Variants in TTLL5 observed in about 807,000 individuals in gnomAD.
TTLL5 encodes the protein tubulin polyglutamylase TTLL5.
Under a neutral mutation model 168.4 loss-of-function variants are expected in TTLL5, and 132 were observed. The observed-to-expected ratio is 0.78, with a 90% CI of 0.68 to 0.91. The LOEUF is 0.91. Ranked by LOEUF, TTLL5 falls within the 40% of genes least tolerant of loss-of-function variation. The probability of loss-of-function intolerance (pLI) is 0.00; values close to 1 mark genes in which losing one functional copy is unlikely to be tolerated. For missense variants in TTLL5, 1,545 were observed against 1,581.5 expected (o/e 0.98, Z 0.39); for synonymous variants, 546 against 558.6 (o/e 0.98, Z 0.32).
chr14:75,700,360 G>A (rs921096540), intron 7 of TTLL5, among the ~76,000 whole-genome samples: 9 of 152,208 alleles, frequency 5.9e-5, no homozygotes, highest in Admixed American at 2.6e-4. Flanking sequence ...GGAGTTGGGC[G>A]AGTAGGCTCA....
intron 28 of TTLL5, chr14:75,838,570 A>T (rs1406209251): frequency 6.6e-6 from 1 of 152,352 alleles, no homozygotes; most frequent in African/African-American, 2.4e-5. Flanking sequence ...TCAAAAAAAA[A>T]AAAACAAAAA....
At chr14:75,904,719 T>A (rs1039527162) in intron 31 of TTLL5, among the ~76,000 whole-genome samples, 1 of 152,186 alleles carries the variant, frequency 6.6e-6, no homozygotes, top group Non-Finnish European at 1.5e-5. Flanking sequence ...AACAAGCAGA[T>A]CATTCTTCTT....
intron 31 of TTLL5, among the ~76,000 whole-genome samples, chr14:75,931,470 A>G (rs1003606322): frequency 6.6e-6 from 1 of 152,106 alleles, no homozygotes; most frequent in South Asian, 2.1e-4. Context: ...ATTCATATCC[A>G]CTGCCTTAAT....
intron 31 of TTLL5, among the ~76,000 whole-genome samples, chr14:75,931,354 A>C (rs146739287): frequency 9.0e-4 from 137 of 152,270 alleles, no homozygotes; most frequent in African/African-American, 3.2e-3. Context: ...AAAGCCAGAA[A>C]CTGAGAGGCA....
chr14:75,790,930 A>G (rs1443929626), intron 26 of TTLL5, among the ~76,000 whole-genome samples: 3 of 141,844 alleles, frequency 2.1e-5, no homozygotes, highest in African/African-American at 8.0e-5. Flanking sequence ...CCCCATCTCT[A>G]CTAAAAAAAA....
intron 18 of TTLL5, among the ~76,000 whole-genome samples, chr14:75,762,564 A>G (rs1318758049): frequency 6.6e-6 from 1 of 152,206 alleles, no homozygotes; most frequent in Non-Finnish European, 1.5e-5. Flanking sequence ...GTGATACAAG[A>G]CAAACATGGT....
In TTLL5 at chr14:75,681,581, AC is replaced by A. The variant is rs1884615156; in HGVS notation, c.219del (p.Asp73GlufsTer4). On this transcript the variant is annotated frameshift_variant, in exon 4 of 32. Transcript: ENST00000298832. LOFTEE classifies it high-confidence loss of function. ...YHLSYKIVRT[D>X]SRLVRSILTA... Reference sequence around the variant, plus strand: ...TTGTCTTATAAGATTGTACGAACGGACAGTCGCCTAGTACGCAGCATTCTGA... The same window carrying A: ...TTGTCTTATAAGATTGTACGAACGGAAGTCGCCTAGTACGCAGCATTCTGA... 1 of 1,613,410 alleles carries A rather than the reference AC, an allele frequency of 6.2e-7. No homozygotes were observed. The highest frequency in any genetic ancestry group is 8.5e-7 in the Non-Finnish European group (1 of 1,179,950).
chr14:75,884,565 AGAAGGG>A (rs2031996287), intron 30 of TTLL5, among the ~76,000 whole-genome samples: 1 of 152,248 alleles, frequency 6.6e-6, no homozygotes, highest in Non-Finnish European at 1.5e-5. Context: ...AAAAATGCAC[AGAAGGG>A]GGGAAAAAGC....
At chr14:75,898,450 T>C (rs1041568858) in intron 30 of TTLL5, among the ~76,000 whole-genome samples, 1 of 152,132 alleles carries the variant, frequency 6.6e-6, no homozygotes, top group Non-Finnish European at 1.5e-5. Context: ...GAGAGCAGCC[T>C]GGGTGACATG....
chr14:75,799,096 T>C (rs1192305591), intron 27 of TTLL5, among the ~76,000 whole-genome samples: 2 of 152,172 alleles, frequency 1.3e-5, no homozygotes, highest in Non-Finnish European at 2.9e-5. Context: ...TGTTGTTGTC[T>C]ATCTCATTTC....
At chr14:75,946,992 T>A (rs1284225670) in intron 31 of TTLL5, among the ~76,000 whole-genome samples, 1 of 151,250 alleles carries the variant, frequency 6.6e-6, no homozygotes, top group East Asian at 1.9e-4. Flanking sequence ...CAGAGGAGAG[T>A]GAGAACAGAT....
Position 75,707,633 on chromosome 14 carries a change from T to C in TTLL5, c.666T>C (p.Phe222=). The change falls in exon 9 of 32, where the codon TTT becomes TTC. Residue 222 remains phenylalanine, a synonymous_variant. Coordinates refer to ENST00000298832, the MANE Select transcript of TTLL5 (RefSeq NM_015072.5). ...ACTTTTTTTTTTTAGATTTCAAGTT[T>C]GACGTGCGCCTCTATGTGCTCGTGA... ...NNPLLIDDFK[F]DVRLYVLVTS... 6.2e-7 allele frequency: 1 copy of C among 1,611,560 alleles called. No homozygotes were observed. The highest frequency in any genetic ancestry group is 8.5e-7 in the Non-Finnish European group (1 of 1,179,314).
rs146499914 is a variant in TTLL5, at chr14:75,773,429, G to A, written c.2136+1575G>A. 3.4e-3 allele frequency among the ~76,000 whole-genome samples: 522 copies of A among 152,084 alleles called. 3 individuals are homozygous for A. Among genetic ancestry groups the A allele is most frequent in the Non-Finnish European group, 5.7e-3 (390 of 67,992 alleles). ...ATGCTGGAGTAAATTGGCACCAAAG[G>A]ACAATGAACCAAAATCAAATTCAAG... On this transcript the variant is annotated intron_variant, in intron 21 of 31. Transcript: ENST00000298832.
At chr14:75,735,139 G>C in intron 14 of TTLL5, 56 bp from the exon 15 acceptor site, 1 of 1,529,216 alleles carries the variant, frequency 6.5e-7, no homozygotes, top group Admixed American at 1.7e-5. Context: ...GGTGCAGCCA[G>C]ACCTGCTAAT....
intron 27 of TTLL5, among the ~76,000 whole-genome samples, chr14:75,813,194 CTGTGTGTGTGTGTGTG>C (rs61154954): frequency 1.4e-5 from 2 of 142,440 alleles, no homozygotes; most frequent in South Asian, 2.3e-4. Flanking sequence ...CTGGAACAAG[CTGTGTGTGTGTGTGTG>C]TGTGTGTGTG....
At chr14:75,763,225 G>T (rs566548981) in intron 18 of TTLL5, among the ~76,000 whole-genome samples, 1 of 148,374 alleles carries the variant, frequency 6.7e-6, no homozygotes, top group South Asian at 2.2e-4. Context: ...TTATTGAATT[G>T]GCTAAAAGTT....
intron 31 of TTLL5, among the ~76,000 whole-genome samples, chr14:75,951,856 A>G (rs2034971673): frequency 6.6e-6 from 1 of 152,242 alleles, no homozygotes; most frequent in Non-Finnish European, 1.5e-5. Context: ...ATATTTAAGC[A>G]AAGAACTTCT....
intron 18 of TTLL5, among the ~76,000 whole-genome samples, chr14:75,759,891 A>G (rs1890521138): frequency 6.6e-6 from 1 of 152,116 alleles, no homozygotes; most frequent in Non-Finnish European, 1.5e-5. Flanking sequence ...CTTATATGAA[A>G]AACCTCTTGC....
intron 29 of TTLL5, among the ~76,000 whole-genome samples, chr14:75,875,601 A>G (rs1026021587): frequency 4.6e-5 from 7 of 152,204 alleles, no homozygotes; most frequent in Non-Finnish European, 1.0e-4. Context: ...AGCTTCAAAT[A>G]TAGATGTATC....
Sources: allele counts gnomAD v4.1 joint callset (sites outside exome capture counted in the v4.1 genomes callset), GRCh38; gene constraint gnomAD v4.1.1; transcripts MANE v1.5; gene names NCBI Gene and HGNC (gene_info 2026-07-23, HGNC 2026-07-21).